FAM78B: variants seen among roughly 807,000 people sequenced by gnomAD.
FAM78B encodes family with sequence similarity 78 member B.
FAM78B carries 10 observed loss-of-function variants against 20.0 expected under a neutral mutation model. The ratio of observed to expected loss-of-function variants is 0.50; its 90% CI spans 0.31 to 0.85. FAM78B has a LOEUF of 0.85. Ranked by LOEUF, FAM78B falls within the 40% of genes least tolerant of loss-of-function variation. The pLI is 0.05. For synonymous variants in FAM78B, 135 were observed against 132.8 expected (o/e 1.02, Z -0.12); for missense variants, 283 against 345.0 (o/e 0.82, Z 1.42).
In FAM78B at chr1:166,069,387, G is replaced by A. The variant is rs1333359151; in HGVS notation, c.*854C>T. The A allele has an allele frequency of 6.6e-6, 1 of 152,078 alleles. No individual in the cohort carries two copies. Among genetic ancestry groups the A allele is most frequent in the African/African-American group, 2.4e-5 (1 of 41,374 alleles). The allele number at this position is 152,078 out of a possible 1,614,324, so 9.4% of individuals were successfully genotyped here. A position where few individuals can be genotyped will look rare whatever the true frequency, so the allele number is the denominator to read the frequency against. ...ATAACTTTTTAAATATAAATTTAGGGCTAATCATGGGAACAGAATAAGCAG... is the reference window on the plus strand; with the variant it reads ...ATAACTTTTTAAATATAAATTTAGGACTAATCATGGGAACAGAATAAGCAG... On this transcript the variant is annotated 3_prime_UTR_variant, in exon 2 of 2. Transcript: ENST00000354422.
In FAM78B at chr1:166,166,416, C is replaced by T. The variant is rs1656390069; in HGVS notation, c.-168G>A. On this transcript the variant is annotated 5_prime_UTR_variant, in exon 1 of 2. Transcript: ENST00000354422. ...CGGGCATCCTTGGGGAAGCCCCCTC[C>T]TCTTGCAGCCGCGCGGGGTCCCCGC... 1 of 458,400 alleles carries T rather than the reference C, an allele frequency of 2.2e-6. No homozygotes were observed. Among genetic ancestry groups the T allele is most frequent in the Non-Finnish European group, 2.9e-6 (1 of 342,986 alleles). The allele number at this position is 458,400 out of a possible 1,614,324, so 28.4% of individuals were successfully genotyped here.
intron 1 of FAM78B, among the ~76,000 whole-genome samples, chr1:166,163,726 G>A (rs1184542333): frequency 6.6e-6 from 1 of 152,186 alleles, no homozygotes; most frequent in Non-Finnish European, 1.5e-5. Context: ...TGTGGAAATT[G>A]GTTCATTCAA....
Position 166,151,199 on chromosome 1 carries a change from A to G in FAM78B, c.263+14787T>C, listed in dbSNP as rs1571207130. On this transcript the variant is annotated intron_variant, in intron 1 of 1. Coordinates refer to ENST00000354422, the MANE Select transcript of FAM78B (RefSeq NM_001017961.5). ...CTGTAAATTGGCCTGTGCTTTTGAAATGTCTCAATGAAGACAATCTGACTG... is the reference window on the plus strand; with the variant it reads ...CTGTAAATTGGCCTGTGCTTTTGAAGTGTCTCAATGAAGACAATCTGACTG... Among the ~76,000 whole-genome samples the G allele has an allele frequency of 2.0e-5, 3 of 152,190 alleles. No individual in the cohort carries two copies. The South Asian group carries it at 6.2e-4, about 32-fold the overall frequency.
Position 166,143,218 on chromosome 1 carries a change from G to C in FAM78B, c.263+22768C>G, listed in dbSNP as rs539804773. Among the ~76,000 whole-genome samples, 10 of 152,268 alleles carry C rather than the reference G, an allele frequency of 6.6e-5. No individual in the cohort carries two copies. The South Asian group carries it at 1.9e-3, about 28-fold the overall frequency. On this transcript the variant is annotated intron_variant, in intron 1 of 1. Coordinates refer to ENST00000354422, the MANE Select transcript of FAM78B (RefSeq NM_001017961.5). Reference sequence around the variant, plus strand: ...TTAATATATAGTAGAGGCTGGGACAGTGGCAGGGAAGAGGCCTAATTCAGA... The same window carrying C: ...TTAATATATAGTAGAGGCTGGGACACTGGCAGGGAAGAGGCCTAATTCAGA...
intron 1 of FAM78B, among the ~76,000 whole-genome samples, chr1:166,094,609 A>G (rs1448407929): frequency 1.3e-5 from 2 of 152,222 alleles, no homozygotes. Flanking sequence ...GAAGACTGAT[A>G]ATGCAGGAGT....
intron 1 of FAM78B, among the ~76,000 whole-genome samples, chr1:166,074,246 C>A (rs190950879): frequency 6.6e-6 from 1 of 152,310 alleles, no homozygotes; most frequent in East Asian, 1.9e-4. Flanking sequence ...ACACACCATG[C>A]CTTTCTCACC....
At chr1:166,090,527 C>T (rs1653026198) in intron 1 of FAM78B, among the ~76,000 whole-genome samples, 1 of 152,188 alleles carries the variant, frequency 6.6e-6, no homozygotes, top group Non-Finnish European at 1.5e-5. Flanking sequence ...TAACTCGGTC[C>T]TTTCATGGGT....
chr1:166,102,746 C>T (rs1653582557), intron 1 of FAM78B, among the ~76,000 whole-genome samples: 1 of 152,182 alleles, frequency 6.6e-6, no homozygotes, highest in African/African-American at 2.4e-5. Context: ...TAGACTCCCA[C>T]ACAATAATAA....
intron 1 of FAM78B, among the ~76,000 whole-genome samples, chr1:166,131,297 G>A (rs1654870042): frequency 6.6e-6 from 1 of 152,064 alleles, no homozygotes; most frequent in Non-Finnish European, 1.5e-5. Context: ...GAGCCACAGT[G>A]CCCAGCCCCC....
At chr1:166,076,024 G>A (rs1341946445) in intron 1 of FAM78B, among the ~76,000 whole-genome samples, 1 of 152,136 alleles carries the variant, frequency 6.6e-6, no homozygotes, top group African/African-American at 2.4e-5. Flanking sequence ...CCATCACCAT[G>A]ACACCGGTCC....
chr1:166,134,794 A>G (rs928818552), intron 1 of FAM78B, among the ~76,000 whole-genome samples: 1 of 152,188 alleles, frequency 6.6e-6, no homozygotes, highest in African/African-American at 2.4e-5. Context: ...AACTCAATTT[A>G]TATCTGTCAT....
At chr1:166,150,077 A>G (rs1655617516) in intron 1 of FAM78B, among the ~76,000 whole-genome samples, 1 of 152,206 alleles carries the variant, frequency 6.6e-6, no homozygotes, top group Non-Finnish European at 1.5e-5. Context: ...CTGATACTGC[A>G]TAGGGACAAT....
intron 1 of FAM78B, chr1:166,087,214 CGCCACCAT>C (rs1474379741): frequency 6.6e-6 from 1 of 152,042 alleles, no homozygotes; most frequent in Non-Finnish European, 1.5e-5. Context: ...TACAGGCGCC[CGCCACCAT>C]GCCGGCTAAT....
chr1:166,128,567 T>C (rs1654727275), intron 1 of FAM78B, among the ~76,000 whole-genome samples: 1 of 152,254 alleles, frequency 6.6e-6, no homozygotes, highest in South Asian at 2.1e-4. Context: ...TATCCCCATG[T>C]AAATCACTGT....
At chr1:166,164,171 G>A (rs1333359950) in intron 1 of FAM78B, among the ~76,000 whole-genome samples, 1 of 152,174 alleles carries the variant, frequency 6.6e-6, no homozygotes, top group Admixed American at 6.5e-5. Context: ...AGAGAGTTCC[G>A]CTGTGCAGTC....
chr1:166,128,469 T>A (rs1328232932), intron 1 of FAM78B, among the ~76,000 whole-genome samples: 2 of 152,220 alleles, frequency 1.3e-5, no homozygotes, highest in Non-Finnish European at 2.9e-5. Context: ...CTCTGTCCCT[T>A]ATAAAGTAGG....
chr1:166,136,011 C>T (rs929469568), intron 1 of FAM78B, among the ~76,000 whole-genome samples: 1 of 152,176 alleles, frequency 6.6e-6, no homozygotes, highest in Non-Finnish European at 1.5e-5. Flanking sequence ...GCATTCTCAA[C>T]ATGAAGCAGA....
chr1:166,076,439 C>T (rs1392960899), intron 1 of FAM78B, among the ~76,000 whole-genome samples: 1 of 152,136 alleles, frequency 6.6e-6, no homozygotes, highest in East Asian at 1.9e-4. Flanking sequence ...CCTTGCCTCC[C>T]TTATTCTTGG....
chr1:166,093,216 A>AT (rs929841090), intron 1 of FAM78B, among the ~76,000 whole-genome samples: 29 of 152,288 alleles, frequency 1.9e-4, no homozygotes, highest in African/African-American at 6.7e-4. Flanking sequence ...AAAGTGGGGC[A>AT]TGCAGTTTGT....
Sources: allele counts gnomAD v4.1 joint callset (sites outside exome capture counted in the v4.1 genomes callset), GRCh38; gene constraint gnomAD v4.1.1; transcripts MANE v1.5; gene names NCBI Gene and HGNC (gene_info 2026-07-23, HGNC 2026-07-21).